Variants in GCLM observed in about 807,000 individuals in gnomAD.
GCLM encodes glutamate--cysteine ligase regulatory subunit.
GCLM carries 15 observed loss-of-function variants against 36.0 expected under a neutral mutation model. That is an observed-to-expected ratio of 0.42 (90% CI 0.28 to 0.64). The LOEUF (loss-of-function observed/expected upper bound fraction) is 0.64. Among genes scored for constraint, GCLM ranks in the 30% least tolerant of loss-of-function variants. GCLM has a pLI of 0.25. For synonymous variants in GCLM, 129 were observed against 122.8 expected, an observed-to-expected ratio of 1.05 and a Z score of -0.34; for missense variants, 242 against 325.5, an observed-to-expected ratio of 0.74 and a Z score of 1.97.
chr1:93,896,108 G>T (rs933480337), intron 5 of GCLM, among the ~76,000 whole-genome samples: 4 of 150,092 alleles, frequency 2.7e-5, no homozygotes, highest in African/African-American at 9.8e-5. Flanking sequence ...GATTACAGGT[G>T]CACGCCACCA....
At chr1:93,902,851 T>G (rs778530565) in intron 2 of GCLM, among the ~76,000 whole-genome samples, 4 of 91,432 alleles carry the variant, frequency 4.4e-5, no homozygotes, top group South Asian at 7.1e-4. Flanking sequence ...TGGCAACAAC[T>G]GATCTTTTTA....
chr1:93,885,750 C>A lies in GCLM; in HGVS notation c.*3240G>T, dbSNP rs1406149856. The A allele has an allele frequency of 2.0e-5, 3 of 152,044 alleles. No individual in the cohort carries two copies. The East Asian group carries it at 5.8e-4, about 29-fold the overall frequency. 9.4% of individuals were successfully genotyped at this position (152,044 alleles called of 1,614,324 possible). A position where few individuals can be genotyped will look rare whatever the true frequency, so the allele number is the denominator to read the frequency against. On this transcript the variant is annotated 3_prime_UTR_variant, in exon 7 of 7. Transcript: ENST00000370238. ...GAAGGATGAACTGCTAGCCAACATA[C>A]AATAAATATATCAATTGTTTACATT...
intron 2 of GCLM, among the ~76,000 whole-genome samples, chr1:93,902,298 T>TG (rs1656981025): frequency 6.6e-6 from 1 of 151,778 alleles, no homozygotes; most frequent in Non-Finnish European, 1.5e-5. Context: ...CCTGCCTCAG[T>TG]GTCCCGAGTA....
Position 93,894,647 on chromosome 1 carries a change from C to T in GCLM, c.622G>A (p.Asp208Asn). The change falls in exon 6 of 7, where the codon GAC (aspartate) becomes AAC (asparagine). Residue 208 changes from aspartate to asparagine, a missense_variant. Asp to Asn is a conservative substitution (Grantham distance 23, BLOSUM62 1). Coordinates refer to ENST00000370238, the MANE Select transcript of GCLM (RefSeq NM_002061.4). Reference protein sequence around the residue: ...PDLTAFAKQFDIQLLTHNDPK... With the variant: ...PDLTAFAKQFNIQLLTHNDPK... ...TCATTGTGAGTCAACAGCTGTATGTCAAATTGTTTAGCAAATGCAGTCAAA... is the reference window on the plus strand; with the variant it reads ...TCATTGTGAGTCAACAGCTGTATGTTAAATTGTTTAGCAAATGCAGTCAAA... 6.2e-7 allele frequency: 1 copy of T among 1,605,218 alleles called. No homozygotes were observed. Among genetic ancestry groups the T allele is most frequent in the Admixed American group, 1.7e-5 (1 of 59,968 alleles).
rs560273753 is a variant in GCLM, at chr1:93,897,348, T to C, written c.337+491A>G. ...AATTTCTTAATTCTATAAAAATAATTTAAGAGCTTATTTTAAATGATTATT... is the reference window on the plus strand; with the variant it reads ...AATTTCTTAATTCTATAAAAATAATCTAAGAGCTTATTTTAAATGATTATT... On this transcript the variant is annotated intron_variant, in intron 4 of 6. Coordinates refer to ENST00000370238, the MANE Select transcript of GCLM (RefSeq NM_002061.4). Among the ~76,000 whole-genome samples, 13 of 152,294 alleles carry C rather than the reference T, an allele frequency of 8.5e-5. No individual in the cohort carries two copies. In the South Asian group the frequency reaches 2.1e-3, roughly 24 times the overall value.
intron 5 of GCLM, among the ~76,000 whole-genome samples, chr1:93,896,065 T>C (rs1164351492): frequency 6.6e-6 from 1 of 150,394 alleles, no homozygotes; most frequent in African/African-American, 2.5e-5. Context: ...GAGGTTCAAG[T>C]GATTCTCCTG....
At chr1:93,899,187 C>T (rs1330928010) in intron 3 of GCLM, among the ~76,000 whole-genome samples, 2 of 151,950 alleles carry the variant, frequency 1.3e-5, no homozygotes, top group African/African-American at 4.8e-5. Context: ...AATTCTCATG[C>T]CTCAGCCACC....
At chr1:93,903,409 C>G (rs17884580) in intron 2 of GCLM, among the ~76,000 whole-genome samples, 1,925 of 151,616 alleles carry the variant, frequency 0.013, 35 homozygotes, top group African/African-American at 0.044. Context: ...CTCCCAGGTT[C>G]AAGTGATTCT....
chr1:93,896,814 G>C lies in GCLM; in HGVS notation c.344C>G (p.Ser115Ter). ...STRSAVDMAC[S>*]VLGVAQLDSV... ...ATCCAGCTGTGCAACTCCAAGGACTGAACAGGCTGATAGGAAGGAAGACAC... is the reference window on the plus strand; with the variant it reads ...ATCCAGCTGTGCAACTCCAAGGACTCAACAGGCTGATAGGAAGGAAGACAC... Residue 115 changes from serine to a stop codon, truncating the protein, a stop_gained, in exon 5 of 7, where the codon TCA becomes TGA. Transcript: ENST00000370238. LOFTEE classifies it high-confidence loss of function. 1.3e-6 allele frequency: 2 copies of C among 1,567,486 alleles called. No individual in the cohort carries two copies. The highest frequency in any genetic ancestry group is 1.8e-6 in the Non-Finnish European group (2 of 1,137,542).
chr1:93,901,803 G>C (rs1656959327), intron 2 of GCLM, 134 bp from the exon 3 acceptor site: 1 of 571,810 alleles, frequency 1.7e-6, no homozygotes. Context: ...CTGAGGTCTG[G>C]GTGGGCTTCA....
intron 3 of GCLM, among the ~76,000 whole-genome samples, chr1:93,898,824 ATG>A (rs1309996550): frequency 3.3e-5 from 5 of 152,026 alleles, no homozygotes; most frequent in Non-Finnish European, 7.4e-5. Flanking sequence ...GGGTCTCGAT[ATG>A]TTGCCCAGGG....
At chr1:93,897,035 T>C (rs537806720) in intron 4 of GCLM, among the ~76,000 whole-genome samples, 1 of 152,350 alleles carries the variant, frequency 6.6e-6, no homozygotes, top group Admixed American at 6.5e-5. Context: ...GGCAGACAAG[T>C]GGGTTTCTCT....
In GCLM at chr1:93,896,822, T is replaced by C. The variant is rs1656752180; in HGVS notation, c.338-2A>G. The C allele has an allele frequency of 1.9e-6, 3 of 1,542,296 alleles. No individual in the cohort carries two copies. Among genetic ancestry groups the C allele is most frequent in the Admixed American group, 3.3e-5 (2 of 59,868 alleles). ...GTGCAACTCCAAGGACTGAACAGGCTGATAGGAAGGAAGACACAAAGAAAA... is the reference window on the plus strand; with the variant it reads ...GTGCAACTCCAAGGACTGAACAGGCCGATAGGAAGGAAGACACAAAGAAAA... On this transcript the variant is annotated splice_acceptor_variant, in intron 4 of 6. Transcript: ENST00000370238. LOFTEE classifies it high-confidence loss of function.
intron 3 of GCLM, among the ~76,000 whole-genome samples, chr1:93,900,143 C>T (rs1656893457): frequency 6.6e-6 from 1 of 152,150 alleles, no homozygotes. Context: ...CCTAGCTTCT[C>T]TACTAGATGA....
At chr1:93,901,749 G>A in intron 2 of GCLM, 80 bp from the exon 3 acceptor site, 2 of 780,132 alleles carry the variant, frequency 2.6e-6, no homozygotes, top group Non-Finnish European at 4.2e-6. Flanking sequence ...TATCCATAAT[G>A]CCTTTTAGAA....
chr1:93,898,694 G>A (rs866191527), intron 3 of GCLM, among the ~76,000 whole-genome samples: 42 of 151,860 alleles, frequency 2.8e-4, no homozygotes, highest in Non-Finnish European at 2.5e-4. Flanking sequence ...GTGCGATCAC[G>A]GCTCACTGCA....
chr1:93,886,612 C>G lies in GCLM; in HGVS notation c.*2378G>C, dbSNP rs1472972323. The G allele has an allele frequency of 1.3e-5, 2 of 152,094 alleles. No homozygotes were observed. Among genetic ancestry groups the G allele is most frequent in the East Asian group, 1.9e-4 (1 of 5,194 alleles). The allele number at this position is 152,094 out of a possible 1,614,324, so 9.4% of individuals were successfully genotyped here. A position where few individuals can be genotyped will look rare whatever the true frequency, so the allele number is the denominator to read the frequency against. On this transcript the variant is annotated 3_prime_UTR_variant, in exon 7 of 7. Transcript: ENST00000370238. Reference sequence around the variant, plus strand: ...TGAATCTATAGTCTTGCTTCTTTGTCAAGAGTTGAGGGTGCAGGTAGGAGA... The same window carrying G: ...TGAATCTATAGTCTTGCTTCTTTGTGAAGAGTTGAGGGTGCAGGTAGGAGA...
rs1656276071 is a variant in GCLM at position 93,885,575 on chromosome 1, T to C, written c.*3415A>G. ...CATTGCCAACTTTACATGAAAAAGG[T>C]ATATGTTCTGGTATATTAGGAAGTT... is the stretch of plus-strand genomic sequence containing the variant. On this transcript the variant is annotated 3_prime_UTR_variant, in exon 7 of 7. Transcript: ENST00000370238. 1 of 152,194 alleles carries C rather than the reference T, an allele frequency of 6.6e-6. No individual in the cohort carries two copies. The highest frequency in any genetic ancestry group is 1.5e-5 in the Non-Finnish European group (1 of 68,014). The allele number at this position is 152,194 out of a possible 1,614,324, so 9.4% of individuals were successfully genotyped here. A position where few individuals can be genotyped will look rare whatever the true frequency, so the allele number is the denominator to read the frequency against.
chr1:93,895,098 T>G (rs1656682064), intron 5 of GCLM, among the ~76,000 whole-genome samples: 1 of 145,826 alleles, frequency 6.9e-6, no homozygotes, highest in Non-Finnish European at 1.5e-5. Context: ...CACTGCAACC[T>G]CCACATACCA....
Sources: allele counts gnomAD v4.1 joint callset (sites outside exome capture counted in the v4.1 genomes callset), GRCh38; gene constraint gnomAD v4.1.1; transcripts MANE v1.5; gene names NCBI Gene and HGNC (gene_info 2026-07-23, HGNC 2026-07-21).